TAMM41: variants seen among roughly 807,000 people sequenced by gnomAD.
The protein encoded by TAMM41 is phosphatidate cytidylyltransferase, mitochondrial.
TAMM41 carries 36 observed loss-of-function variants against 44.1 expected under a neutral mutation model. The observed-to-expected ratio is 0.82, with a 90% CI of 0.63 to 1.08. TAMM41 has a LOEUF of 1.08. Ranked by LOEUF, TAMM41 falls within the 50% of genes least tolerant of loss-of-function variation. The pLI is 0.00. For missense variants in TAMM41, 417 were observed against 404.3 expected, an observed-to-expected ratio of 1.03 and a Z score of -0.27; for synonymous variants, 164 against 153.1, an observed-to-expected ratio of 1.07 and a Z score of -0.53.
the TAMM41 span, among the ~76,000 whole-genome samples, chr3:11,766,017 T>G: frequency 2.0e-5 from 3 of 152,102 alleles, no homozygotes; most frequent in Non-Finnish European, 2.9e-5. Flanking sequence ...CAATAAAGAT[T>G]TTTGCTCCAT....
the TAMM41 span, among the ~76,000 whole-genome samples, chr3:11,746,592 G>A: frequency 1.5e-3 from 227 of 151,350 alleles, no homozygotes; most frequent in African/African-American, 5.3e-3. Context: ...TATGCTGGGG[G>A]AAAAAAAACA....
In TAMM41 at chr3:11,846,601, G is replaced by T. The variant is rs1180842317; in HGVS notation, c.36C>A (p.Thr12=). 6.2e-7 allele frequency: 1 copy of T among 1,614,222 alleles called. No individual in the cohort carries two copies. The highest frequency in any genetic ancestry group is 2.2e-5 in the East Asian group (1 of 44,878). ...ALQTLQSSWV[T]FRKILSHFPE... The stretch of plus-strand genomic sequence containing the variant: ...GGAAGTGAGACAGGATCTTGCGGAA[G>T]GTCACCCACGAGCTCTGCAGCGTCT... The change falls in exon 1 of 8, where the codon ACC becomes ACA. Residue 12 remains threonine (T), a synonymous_variant. Transcript: ENST00000455809.
Position 11,817,278 on chromosome 3 carries a change from T to C in TAMM41, c.622A>G (p.Asn208Asp), listed in dbSNP as rs369606783. 42 of 1,613,432 alleles carry C rather than the reference T, an allele frequency of 2.6e-5. No homozygotes were observed. The highest frequency in any genetic ancestry group is 3.5e-5 in the Non-Finnish European group (41 of 1,179,510). Reference protein sequence around the residue: ...KTKVLNIVKPNIAHFRELYGS... With the variant: ...KTKVLNIVKPDIAHFRELYGS... ...TAGAGCTCTCGAAAGTGGGCTATATTGGGCTTCACAATATTCAACACTTTT... is the reference window on the plus strand; with the variant it reads ...TAGAGCTCTCGAAAGTGGGCTATATCGGGCTTCACAATATTCAACACTTTT... Residue 208 changes from asparagine to aspartate, a missense_variant, in exon 5 of 8, where the codon AAT becomes GAT. Asn to Asp is a conservative substitution (Grantham distance 23). Transcript: ENST00000455809.
chr3:11,844,217 G>T lies in TAMM41; in HGVS notation c.136-6C>A, dbSNP rs772673033. The T allele has an allele frequency of 1.9e-6, 3 of 1,611,664 alleles. No individual in the cohort carries two copies. The highest frequency in any genetic ancestry group is 2.5e-6 in the Non-Finnish European group (3 of 1,178,800). On this transcript the variant is annotated splice_polypyrimidine_tract_variant and splice_region_variant and intron_variant, in intron 1 of 7. Coordinates refer to ENST00000455809, the MANE Select transcript of TAMM41 (RefSeq NM_001284401.2). Reference sequence around the variant, plus strand: ...ACAAAGTCCAGCATAGCATTCTGTGGAGTGAAGAAAAGAGAATAATTTCAG... The same window carrying T: ...ACAAAGTCCAGCATAGCATTCTGTGTAGTGAAGAAAAGAGAATAATTTCAG...
At chr3:11,732,504 A>G in the TAMM41 span, among the ~76,000 whole-genome samples, 1 of 152,230 alleles carries the variant, frequency 6.6e-6, no homozygotes, top group Non-Finnish European at 1.5e-5. Flanking sequence ...TTAGCCAGGA[A>G]ACATAATTTA....
the TAMM41 span, among the ~76,000 whole-genome samples, chr3:11,737,486 A>G: frequency 2.0e-5 from 3 of 151,830 alleles, no homozygotes; most frequent in Non-Finnish European, 2.9e-5. Context: ...ACGCCCAGCT[A>G]ATTTTGTATT....
intron 2 of TAMM41, among the ~76,000 whole-genome samples, chr3:11,841,534 T>C (rs2079441742): frequency 6.6e-6 from 1 of 152,174 alleles, no homozygotes; most frequent in Non-Finnish European, 1.5e-5. Context: ...AAAAAGCAGT[T>C]AAAAATTATC....
intron 2 of TAMM41, 127 bp downstream of exon 2, chr3:11,843,902 C>A: frequency 1.1e-6 from 1 of 943,720 alleles, no homozygotes. Context: ...ACATATTTCC[C>A]GACTATAACA....
chr3:11,825,259 A>G (rs1483050867), intron 4 of TAMM41, among the ~76,000 whole-genome samples: 2 of 152,192 alleles, frequency 1.3e-5, no homozygotes, highest in Admixed American at 6.5e-5. Flanking sequence ...TACCTGACAC[A>G]CAGTACTAGT....
intron 7 of TAMM41, among the ~76,000 whole-genome samples, chr3:11,801,220 T>C (rs944437736): frequency 5.9e-5 from 9 of 151,768 alleles, no homozygotes; most frequent in Non-Finnish European, 1.3e-4. Context: ...CAGACAATAG[T>C]AGAATAAAGC....
chr3:11,737,598 G>T, the TAMM41 span, among the ~76,000 whole-genome samples: 3 of 152,026 alleles, frequency 2.0e-5, no homozygotes, highest in African/African-American at 7.2e-5. Flanking sequence ...GGGATTACAG[G>T]TGTGAGCCAC....
At chr3:11,842,033 C>T (rs1451474228) in intron 2 of TAMM41, among the ~76,000 whole-genome samples, 1 of 152,196 alleles carries the variant, frequency 6.6e-6, no homozygotes, top group Non-Finnish European at 1.5e-5. Flanking sequence ...AAATCCTTCT[C>T]AAGTCAGTAC....
chr3:11,764,649 C>T, the TAMM41 span, among the ~76,000 whole-genome samples: 3 of 151,768 alleles, frequency 2.0e-5, no homozygotes, highest in Admixed American at 6.6e-5. Flanking sequence ...CCCGCCACCA[C>T]GCCTGGCTAA....
At chr3:11,781,096 C>A in the TAMM41 span, among the ~76,000 whole-genome samples, 42 of 152,256 alleles carry the variant, frequency 2.8e-4, no homozygotes, top group African/African-American at 9.4e-4. Context: ...CTAAAGCCTC[C>A]TCTCTGGGAA....
intron 7 of TAMM41, among the ~76,000 whole-genome samples, chr3:11,805,373 G>C (rs904039371): frequency 6.6e-6 from 1 of 152,144 alleles, no homozygotes; most frequent in African/African-American, 2.4e-5. Flanking sequence ...CAGGACTCAA[G>C]TGATCCTCCT....
At chr3:11,758,640 T>C in the TAMM41 span, among the ~76,000 whole-genome samples, 1 of 148,278 alleles carries the variant, frequency 6.7e-6, no homozygotes, top group Admixed American at 6.7e-5. Context: ...CGTGAGCCAC[T>C]GCACCCGGCC....
At chr3:11,815,807 T>C (rs1425736283) in intron 5 of TAMM41, among the ~76,000 whole-genome samples, 1 of 152,118 alleles carries the variant, frequency 6.6e-6, no homozygotes, top group Non-Finnish European at 1.5e-5. Context: ...AGTCGAAGCA[T>C]ATTATTTAGA....
the TAMM41 span, among the ~76,000 whole-genome samples, chr3:11,730,834 C>T: frequency 6.6e-6 from 1 of 152,174 alleles, no homozygotes; most frequent in East Asian, 1.9e-4. Context: ...TCCTGGTTTC[C>T]CATCTTCTCT....
the TAMM41 span, among the ~76,000 whole-genome samples, chr3:11,747,217 C>T: frequency 6.6e-6 from 1 of 152,206 alleles, no homozygotes; most frequent in African/African-American, 2.4e-5. Flanking sequence ...CGCACGCCAC[C>T]ATGCCTGGCT....
Sources: gnomAD v4.1 joint callset for allele counts (sites outside exome capture counted in the v4.1 genomes callset) on GRCh38, gnomAD v4.1.1 for gene constraint, MANE v1.5 for transcripts, NCBI Gene and HGNC (gene_info 2026-07-23, HGNC 2026-07-21) for gene names.